Variants in DOCK5 observed in about 807,000 individuals in gnomAD.
The protein encoded by DOCK5 is dedicator of cytokinesis 5.
DOCK5 carries 142 observed loss-of-function variants against 251.8 expected under a neutral mutation model. That is an observed-to-expected ratio of 0.56 (90% confidence interval 0.49 to 0.65). The LOEUF (loss-of-function observed/expected upper bound fraction) is 0.65. DOCK5 is among the 30% of genes least tolerant of loss of function. The pLI, the probability that DOCK5 is intolerant of heterozygous loss-of-function variation, is 0.00. For missense variants in DOCK5, 2,111 were observed against 2,312.3 expected, an observed-to-expected ratio of 0.91 and a Z score of 1.79; for synonymous variants, 842 against 835.5, an observed-to-expected ratio of 1.01 and a Z score of -0.13.
chr8:25,202,203 A>G (rs1202941293), intron 1 of DOCK5, among the ~76,000 whole-genome samples: 1 of 152,034 alleles, frequency 6.6e-6, no homozygotes, highest in African/African-American at 2.4e-5. Context: ...TTTTTAGAAG[A>G]GATAGGGTTT....
chr8:25,387,798 T>G (rs1195331923), intron 40 of DOCK5, among the ~76,000 whole-genome samples: 3 of 152,218 alleles, frequency 2.0e-5, no homozygotes, highest in Non-Finnish European at 4.4e-5. Context: ...TTACGCTTCC[T>G]TATCCCATTC....
chr8:25,328,317 C>G (rs535108600), intron 18 of DOCK5, among the ~76,000 whole-genome samples: 20 of 152,080 alleles, frequency 1.3e-4, no homozygotes, highest in African/African-American at 4.3e-4. Flanking sequence ...GAGGAGTGAG[C>G]TGCCATCCAA....
At chr8:25,335,166 C>T (rs943752139) in intron 21 of DOCK5, among the ~76,000 whole-genome samples, 6 of 152,206 alleles carry the variant, frequency 3.9e-5, no homozygotes, top group Non-Finnish European at 7.3e-5. Context: ...GGTCCATGAT[C>T]TTCTTATGAC....
intron 2 of DOCK5, among the ~76,000 whole-genome samples, chr8:25,264,381 A>T (rs980564631): frequency 6.6e-6 from 1 of 151,192 alleles, no homozygotes; most frequent in Admixed American, 6.6e-5. Flanking sequence ...AGAAAAAAAC[A>T]ACAAAAAAAA....
At chr8:25,373,576 T>G in intron 35 of DOCK5, 42 bp from the exon 36 acceptor site, 1 of 1,552,534 alleles carries the variant, frequency 6.4e-7, no homozygotes, top group Non-Finnish European at 8.7e-7. Context: ...CAATAGCTCT[T>G]GATTTATGTT....
At position 25,296,498 on chromosome 8, in the gene DOCK5, C is replaced by T. The variant is rs756863186; in HGVS notation, c.471-15C>T. 26 of 1,603,742 alleles carry T rather than the reference C, an allele frequency of 1.6e-5. No individual in the cohort carries two copies. The African/African-American group carries it at 3.2e-4, about 20-fold the overall frequency. On this transcript the variant is annotated splice_polypyrimidine_tract_variant and intron_variant, in intron 6 of 51. Transcript: ENST00000276440. ...CCTGGTGAGGAGAACCAGCTGACTA[C>T]TCCTTTCTCTCCAGAATGCTGGGGT...
intron 28 of DOCK5, among the ~76,000 whole-genome samples, chr8:25,361,915 C>T (rs1016831158): frequency 3.2e-4 from 48 of 152,292 alleles, no homozygotes; most frequent in African/African-American, 1.1e-3. Context: ...AGGTTAGTGC[C>T]AGAGAAACTG....
intron 6 of DOCK5, among the ~76,000 whole-genome samples, chr8:25,293,647 C>G (rs1804548301): frequency 6.6e-6 from 1 of 152,106 alleles, no homozygotes; most frequent in Admixed American, 6.6e-5. Flanking sequence ...ATTACTTGAC[C>G]ACCCAGAAGA....
intron 11 of DOCK5, 180 bp from the exon 12 acceptor site, chr8:25,308,603 A>C (rs991285429): frequency 1.3e-6 from 1 of 743,518 alleles, no homozygotes; most frequent in East Asian, 2.9e-5. Context: ...AGTCATTTCC[A>C]AGGTGAATTT....
At chr8:25,269,998 A>C (rs1213710768) in intron 3 of DOCK5, among the ~76,000 whole-genome samples, 1 of 152,154 alleles carries the variant, frequency 6.6e-6, no homozygotes, top group Non-Finnish European at 1.5e-5. Flanking sequence ...TTCATTAGAA[A>C]CCAGGACTGC....
chr8:25,318,310 C>T (rs1304976489), intron 14 of DOCK5, among the ~76,000 whole-genome samples: 1 of 151,932 alleles, frequency 6.6e-6, no homozygotes, highest in South Asian at 2.1e-4. Flanking sequence ...AGGCTGGTCT[C>T]GAACTCCTGA....
At chr8:25,401,288 C>T (rs1054434028) in intron 47 of DOCK5, among the ~76,000 whole-genome samples, 3 of 152,110 alleles carry the variant, frequency 2.0e-5, no homozygotes, top group Non-Finnish European at 2.9e-5. Context: ...CCTCCCAGAG[C>T]GCCTGTGAAA....
chr8:25,340,797 A>G, intron 22 of DOCK5, 80 bp from the exon 23 acceptor site: 3 of 1,096,208 alleles, frequency 2.7e-6, no homozygotes, highest in Non-Finnish European at 4.0e-6. Context: ...ATGAAGGAGA[A>G]GTGAGGGAGG....
At chr8:25,336,926 T>C (rs1483768381) in intron 22 of DOCK5, among the ~76,000 whole-genome samples, 1 of 152,172 alleles carries the variant, frequency 6.6e-6, no homozygotes, top group Non-Finnish European at 1.5e-5. Context: ...CAGAAATAGC[T>C]GTATTTCCAA....
intron 48 of DOCK5, 131 bp from the exon 49 acceptor site, chr8:25,407,852 A>C: frequency 9.6e-7 from 1 of 1,047,104 alleles, no homozygotes. Flanking sequence ...TGATGGGAGA[A>C]AGACCCTGTC....
chr8:25,345,285 C>G (rs1425483298), intron 25 of DOCK5, 190 bp from the exon 26 acceptor site: 6 of 489,272 alleles, frequency 1.2e-5, no homozygotes, highest in African/African-American at 1.9e-5. Flanking sequence ...TTCATCTGCG[C>G]ATTGAACAAG....
intron 30 of DOCK5, among the ~76,000 whole-genome samples, chr8:25,365,672 T>C (rs901624316): frequency 1.1e-4 from 16 of 152,188 alleles, no homozygotes; most frequent in South Asian, 6.2e-4. Context: ...GGGAGGGGAC[T>C]AATCAGAGGT....
At chr8:25,256,404 T>C (rs780649030) in intron 2 of DOCK5, among the ~76,000 whole-genome samples, 37 of 152,222 alleles carry the variant, frequency 2.4e-4, no homozygotes, top group Admixed American at 7.2e-4. Context: ...TTTGGGAGGC[T>C]GAGGCGGGTG....
intron 1 of DOCK5, among the ~76,000 whole-genome samples, chr8:25,202,776 A>G (rs1801909930): frequency 6.6e-6 from 1 of 152,230 alleles, no homozygotes; most frequent in Admixed American, 6.5e-5. Flanking sequence ...ATAAAAAAGA[A>G]CAATCAACAC....
Sources: gnomAD v4.1 joint callset for allele counts (sites outside exome capture counted in the v4.1 genomes callset) on GRCh38, gnomAD v4.1.1 for gene constraint, MANE v1.5 for transcripts, NCBI Gene and HGNC (gene_info 2026-07-23, HGNC 2026-07-21) for gene names.